The following PTPRR variants were observed in gnomAD, a reference collection of about 807,000 sequenced individuals.
PTPRR encodes receptor-type tyrosine-protein phosphatase R.
In PTPRR, 38 loss-of-function variants were observed where a neutral mutation model predicts 77.2. The ratio of observed to expected loss-of-function variants is 0.49; its 90% confidence interval spans 0.38 to 0.65. The LOEUF is 0.65. Among genes scored for constraint, PTPRR ranks in the 30% least tolerant of loss-of-function variants. The pLI, the probability that PTPRR is intolerant of heterozygous loss-of-function variation, is 0.00. For missense variants in PTPRR, 744 were observed against 799.2 expected (o/e 0.93, Z 0.83); for synonymous variants, 299 against 283.1 (o/e 1.06, Z -0.57).
At chr12:70,650,102 T>A (rs912269514) in intron 13 of PTPRR, among the ~76,000 whole-genome samples, 1 of 152,220 alleles carries the variant, frequency 6.6e-6, no homozygotes, top group East Asian at 1.9e-4. Context: ...GATTTTTTAA[T>A]GCATTAATGC....
chr12:70,829,856 A>C (rs1892181135), intron 2 of PTPRR, among the ~76,000 whole-genome samples: 1 of 152,226 alleles, frequency 6.6e-6, no homozygotes, highest in Admixed American at 6.5e-5. Context: ...ATGATTTTCT[A>C]CATTAGTATC....
intron 2 of PTPRR, among the ~76,000 whole-genome samples, chr12:70,857,120 G>A (rs1892665512): frequency 1.3e-5 from 2 of 151,998 alleles, no homozygotes; most frequent in African/African-American, 4.8e-5. Flanking sequence ...ATAGGTTTTG[G>A]GAATCATCAG....
At chr12:70,732,364 G>A (rs1889690894) in intron 6 of PTPRR, among the ~76,000 whole-genome samples, 1 of 152,142 alleles carries the variant, frequency 6.6e-6, no homozygotes, top group Non-Finnish European at 1.5e-5. Flanking sequence ...TGATTCAGAA[G>A]ATCATATTCA....
intron 2 of PTPRR, among the ~76,000 whole-genome samples, chr12:70,776,290 T>C (rs1424827550): frequency 6.6e-6 from 1 of 152,200 alleles, no homozygotes; most frequent in Non-Finnish European, 1.5e-5. Context: ...TCCTTGAATG[T>C]TGAACCCATA....
At chr12:70,833,679 T>C (rs1892254209) in intron 2 of PTPRR, among the ~76,000 whole-genome samples, 1 of 152,162 alleles carries the variant, frequency 6.6e-6, no homozygotes, top group Non-Finnish European at 1.5e-5. Flanking sequence ...TCATCTTGCC[T>C]GCATATTGCA....
At chr12:70,824,327 A>G (rs1892072908) in intron 2 of PTPRR, among the ~76,000 whole-genome samples, 1 of 152,206 alleles carries the variant, frequency 6.6e-6, no homozygotes, top group Non-Finnish European at 1.5e-5. Context: ...AATGCTTCTC[A>G]AGTAGAAACA....
intron 4 of PTPRR, chr12:70,754,687 G>T: frequency 6.3e-7 from 1 of 1,596,606 alleles, no homozygotes; most frequent in South Asian, 1.1e-5. Flanking sequence ...CAGCACCCTG[G>T]ATTACGTGCT....
intron 10 of PTPRR, chr12:70,672,367 A>C (rs1282983046): frequency 3.2e-5 from 44 of 1,368,572 alleles, no homozygotes; most frequent in Non-Finnish European, 4.4e-5. Context: ...TGGTCCTCCC[A>C]TCAGAGAGCC....
Position 70,639,019 on chromosome 12 carries a change from A to T in PTPRR, c.*165T>A. 1.5e-6 allele frequency: 1 copy of T among 645,286 alleles called. No individual in the cohort carries two copies. The allele number at this position is 645,286 out of a possible 1,614,324, so 40.0% of individuals were successfully genotyped here. A position where few individuals can be genotyped will look rare whatever the true frequency, so the allele number is the denominator to read the frequency against. On this transcript the variant is annotated 3_prime_UTR_variant, in exon 14 of 14. Coordinates refer to ENST00000283228, the MANE Select transcript of PTPRR (RefSeq NM_002849.4). ...TACAAATGCATTCATATACACAAGG[A>T]GCTGGAAATCTTAAATATGTTGCCC...
chr12:70,778,248 C>A (rs1344034042), intron 2 of PTPRR, among the ~76,000 whole-genome samples: 4 of 152,062 alleles, frequency 2.6e-5, no homozygotes. Context: ...TTTCCAATGC[C>A]TTCTGGCATT....
chr12:70,666,153 A>G (rs552362743), intron 10 of PTPRR, among the ~76,000 whole-genome samples: 1 of 152,254 alleles, frequency 6.6e-6, no homozygotes, highest in Non-Finnish European at 1.5e-5. Context: ...TATTTTTCAG[A>G]TGAGGACATG....
At chr12:70,749,255 C>G (rs1890312653) in intron 5 of PTPRR, among the ~76,000 whole-genome samples, 1 of 152,090 alleles carries the variant, frequency 6.6e-6, no homozygotes, top group Admixed American at 6.6e-5. Context: ...TTTAGATAGA[C>G]TTGGGTTTGA....
chr12:70,703,048 C>A (rs1317461669), intron 6 of PTPRR, among the ~76,000 whole-genome samples: 1 of 128,818 alleles, frequency 7.8e-6, no homozygotes, highest in Non-Finnish European at 1.7e-5. Context: ...TTTTTTTTTT[C>A]TACTGGATTT....
intron 2 of PTPRR, among the ~76,000 whole-genome samples, chr12:70,886,068 G>A (rs1436607633): frequency 1.3e-5 from 2 of 152,112 alleles, no homozygotes; most frequent in East Asian, 1.9e-4. Flanking sequence ...GCACTGAGTG[G>A]TCCAGGGTTG....
At chr12:70,756,900 C>A (rs1333535022) in intron 4 of PTPRR, among the ~76,000 whole-genome samples, 1 of 152,114 alleles carries the variant, frequency 6.6e-6, no homozygotes, top group Non-Finnish European at 1.5e-5. Flanking sequence ...AGGAAGTACA[C>A]AGAATAAGAA....
intron 2 of PTPRR, among the ~76,000 whole-genome samples, chr12:70,773,153 A>G (rs1334926865): frequency 6.6e-6 from 1 of 152,070 alleles, no homozygotes; most frequent in Non-Finnish European, 1.5e-5. Context: ...CCTTTTTATA[A>G]GGGCCTCCTT....
In PTPRR at chr12:70,739,149, C is replaced by T. The variant is rs147666153; in HGVS notation, c.1007+6669G>A. Among the ~76,000 whole-genome samples the T allele has an allele frequency of 5.3e-5, 8 of 152,242 alleles. No homozygotes were observed. The East Asian group carries it at 1.5e-3, about 29-fold the overall frequency. On this transcript the variant is annotated intron_variant, in intron 6 of 13. Transcript: ENST00000283228. Reference sequence around the variant, plus strand: ...TATGACAGGCTCAACTGTAGCAATTCAGTAGAAAATTAGCTTCAACTCCTG... The same window carrying T: ...TATGACAGGCTCAACTGTAGCAATTTAGTAGAAAATTAGCTTCAACTCCTG...
intron 8 of PTPRR, among the ~76,000 whole-genome samples, chr12:70,688,071 G>A (rs981071416): frequency 3.9e-5 from 6 of 152,132 alleles, no homozygotes; most frequent in Admixed American, 1.3e-4. Flanking sequence ...TCACTTGCAT[G>A]AGCCATTTTC....
chr12:70,809,443 T>A (rs2137029050), intron 2 of PTPRR, among the ~76,000 whole-genome samples: 1 of 152,324 alleles, frequency 6.6e-6, no homozygotes, highest in Admixed American at 6.5e-5. Flanking sequence ...TGCTGCTGAA[T>A]GCATTTCTAA....
Sources: gnomAD v4.1 joint callset for allele counts (sites outside exome capture counted in the v4.1 genomes callset) on GRCh38, gnomAD v4.1.1 for gene constraint, MANE v1.5 for transcripts, NCBI Gene and HGNC (gene_info 2026-07-23, HGNC 2026-07-21) for gene names.